The following MTRF1L variants were observed in gnomAD, a reference collection of about 807,000 sequenced individuals.
The protein encoded by MTRF1L is peptide chain release factor 1-like, mitochondrial.
Under a neutral mutation model 40.0 loss-of-function variants are expected in MTRF1L, and 29 were observed. The ratio of observed to expected loss-of-function variants is 0.73; its 90% confidence interval spans 0.54 to 0.99. MTRF1L has a LOEUF of 0.99. Among genes scored for constraint, MTRF1L ranks in the 50% least tolerant of loss-of-function variants. MTRF1L has a pLI of 0.00. For missense variants in MTRF1L, 412 were observed against 464.5 expected (o/e 0.89, Z 1.04); for synonymous variants, 150 against 175.8 (o/e 0.85, Z 1.16).
At position 152,995,129 on chromosome 6, in the gene MTRF1L, T is replaced by C; in HGVS notation, c.523+7A>G. 3 of 1,597,058 alleles carry C rather than the reference T, an allele frequency of 1.9e-6. No homozygotes were observed. Among genetic ancestry groups the C allele is most frequent in the Non-Finnish European group, 2.6e-6 (3 of 1,172,794 alleles). ...TTTACCTGAAACAAAATGAATAGTT[T>C]ACTGACCTAGTTCACTTGGAAAATA... On this transcript the variant is annotated splice_region_variant and intron_variant, in intron 3 of 6. Coordinates refer to ENST00000367233, the MANE Select transcript of MTRF1L (RefSeq NM_019041.7).
rs140807668 is a variant in MTRF1L at position 152,991,819 on chromosome 6, G to T, written c.806-498C>A. ...CTGCCTTGGCCTCCCAAAGTGCTGGGATTACAGGCGTGAGCCACCGCGCCC... is the reference window on the plus strand; with the variant it reads ...CTGCCTTGGCCTCCCAAAGTGCTGGTATTACAGGCGTGAGCCACCGCGCCC... On this transcript the variant is annotated intron_variant, in intron 5 of 6. Coordinates refer to ENST00000367233, the MANE Select transcript of MTRF1L (RefSeq NM_019041.7). Among the ~76,000 whole-genome samples the T allele has an allele frequency of 8.3e-3, 1,266 of 152,294 alleles. 17 individuals carry two copies. Among genetic ancestry groups the T allele is most frequent in the African/African-American group, 0.027 (1,113 of 41,552 alleles).
Position 152,995,267 on chromosome 6 carries a change from A to G in MTRF1L, c.392T>C (p.Leu131Pro). Residue 131 changes from leucine to proline, a missense_variant, in exon 3 of 7, where the codon CTG (leucine) becomes CCG (proline). Transcript: ENST00000367233. ...ACCTCCAACTCCTGCAGTTACTTCCAGGATCAAATCATTTTCATCTGTTTC... is the reference window on the plus strand; with the variant it reads ...ACCTCCAACTCCTGCAGTTACTTCCGGGATCAAATCATTTTCATCTGTTTC... ...SEETDENDLI[L>P]EVTAGVGGQE... 5.0e-6 allele frequency: 8 copies of G among 1,607,560 alleles called. No individual in the cohort carries two copies. The highest frequency in any genetic ancestry group is 5.9e-6 in the Non-Finnish European group (7 of 1,177,320).
Position 152,998,777 on chromosome 6 carries a change from G to A in MTRF1L, c.260-148C>T, listed in dbSNP as rs1031238024. 7.2e-6 allele frequency: 3 copies of A among 417,984 alleles called. No homozygotes were observed. In the Admixed American group the frequency reaches 1.3e-4, roughly 19 times the overall value. 25.9% of individuals were successfully genotyped at this position (417,984 alleles called of 1,614,324 possible). ...TTTCAATAAATACCATTCAATAAAT[G>A]CCTTTCAATAAATGTCCTTTCAATC... On this transcript the variant is annotated intron_variant, in intron 1 of 6. Transcript: ENST00000367233.
rs1285490070 is a variant in MTRF1L at position 153,002,627 on chromosome 6, C to G, written c.59G>C (p.Gly20Ala). Residue 20 changes from glycine (G) to alanine (A), a missense_variant, in exon 1 of 7, where the codon GGC becomes GCC. Physicochemically the swap from Gly to Ala is moderately conservative, Grantham distance 60. Coordinates refer to ENST00000367233, the MANE Select transcript of MTRF1L (RefSeq NM_019041.7). Reference sequence around the variant, plus strand: ...GGAGCTCAGGGGCCGGCGGGCTGGGCCAACGGCCCGGCGGGGCCAGAGCCA... The same window carrying G: ...GGAGCTCAGGGGCCGGCGGGCTGGGGCAACGGCCCGGCGGGGCCAGAGCCA... ...ARWLWPRRAVGPARRPLSSGS... is the reference protein window; with the variant it reads ...ARWLWPRRAVAPARRPLSSGS... 1 of 1,533,196 alleles carries G rather than the reference C, an allele frequency of 6.5e-7. No individual in the cohort carries two copies. The highest frequency in any genetic ancestry group is 1.4e-5 in the African/African-American group (1 of 72,154). 95.0% of individuals were successfully genotyped at this position (1,533,196 alleles called of 1,614,324 possible). A position where few individuals can be genotyped will look rare whatever the true frequency, so the allele number is the denominator to read the frequency against.
At chr6:152,991,770 C>T (rs1392875360) in intron 5 of MTRF1L, among the ~76,000 whole-genome samples, 1 of 152,156 alleles carries the variant, frequency 6.6e-6, no homozygotes, top group East Asian at 1.9e-4. Flanking sequence ...AGGATGGTCT[C>T]GATCTCCTGA....
intron 2 of MTRF1L, among the ~76,000 whole-genome samples, chr6:152,997,244 T>A (rs1778744625): frequency 6.6e-6 from 1 of 152,140 alleles, no homozygotes; most frequent in African/African-American, 2.4e-5. Flanking sequence ...AATTATCTTA[T>A]TCATGCCCTA....
intron 4 of MTRF1L, among the ~76,000 whole-genome samples, chr6:152,993,725 A>G (rs375318257): frequency 3.1e-4 from 47 of 152,354 alleles, no homozygotes; most frequent in African/African-American, 8.9e-4. Context: ...ATGGTTAAAC[A>G]TAAGTGACTA....
At chr6:152,994,719 C>T (rs773172160) in intron 3 of MTRF1L, 43 bp from the exon 4 acceptor site, 1 of 1,607,040 alleles carries the variant, frequency 6.2e-7, no homozygotes, top group East Asian at 2.2e-5. Context: ...TTATTCCTGC[C>T]ATTTATAAAT....
intron 4 of MTRF1L, among the ~76,000 whole-genome samples, chr6:152,993,827 C>G (rs1371467356): frequency 6.6e-6 from 1 of 152,160 alleles, no homozygotes; most frequent in Non-Finnish European, 1.5e-5. Context: ...AAAATTAGAT[C>G]TAAAGAAACT....
rs751187879 is a variant in MTRF1L at position 152,995,328 on chromosome 6, A to G, written c.340-9T>C. On this transcript the variant is annotated splice_polypyrimidine_tract_variant and intron_variant, in intron 2 of 6. Transcript: ENST00000367233. ...ACCAAAAGTAAGATAATCTGTAAAT[A>G]TAAAAATATCACCCCTCCTATAATT... 6.4e-7 allele frequency: 1 copy of G among 1,562,032 alleles called. No individual in the cohort carries two copies. Among genetic ancestry groups the G allele is most frequent in the Admixed American group, 2.0e-5 (1 of 50,586 alleles).
intron 5 of MTRF1L, among the ~76,000 whole-genome samples, chr6:152,992,626 T>C (rs1175279990): frequency 1.3e-5 from 2 of 152,226 alleles, no homozygotes; most frequent in African/African-American, 4.8e-5. Flanking sequence ...ACACCTTCTA[T>C]AAATAGTAAT....
intron 6 of MTRF1L, 131 bp downstream of exon 6, chr6:152,991,054 G>C: frequency 1.8e-6 from 1 of 545,856 alleles, no homozygotes; most frequent in Non-Finnish European, 3.1e-6. Flanking sequence ...AAGAAGGATA[G>C]CCCTTAGACT....
rs538377673 is a variant in MTRF1L at position 153,002,481 on chromosome 6, T to G, written c.205A>C (p.Lys69Gln). The G allele has an allele frequency of 1.2e-6, 2 of 1,613,804 alleles. No individual in the cohort carries two copies. Among genetic ancestry groups the G allele is most frequent in the Admixed American group, 3.3e-5 (2 of 60,010 alleles). Residue 69 changes from lysine (K) to glutamine (Q), a missense_variant, in exon 1 of 7, where the codon AAA becomes CAA. By Grantham distance (53) the Lys-to-Gln change is moderately conservative (BLOSUM62 1). Coordinates refer to ENST00000367233, the MANE Select transcript of MTRF1L (RefSeq NM_019041.7). The stretch of plus-strand genomic sequence containing the variant: ...TCCCGCTCCTTCTCGTTCAGCAGTT[T>G]GATCACCGCCAGCAACTCGGGCCTC... ...VRRPELLAVI[K>Q]LLNEKERELR...
chr6:152,992,218 A>T (rs1778547469), intron 5 of MTRF1L, among the ~76,000 whole-genome samples: 1 of 152,234 alleles, frequency 6.6e-6, no homozygotes, highest in African/African-American at 2.4e-5. Context: ...TTTCCTTTCT[A>T]GATAACTGAG....
chr6:152,998,499 T>G (rs1379944292), intron 2 of MTRF1L, 51 bp downstream of exon 2: 1 of 1,356,950 alleles, frequency 7.4e-7, no homozygotes, highest in Non-Finnish European at 1.0e-6. Context: ...TTAATAAACT[T>G]TAATGCCTAA....
chr6:152,990,301 C>T (rs556347682), intron 6 of MTRF1L: 74 of 740,568 alleles, frequency 1.0e-4, no homozygotes, highest in South Asian at 9.0e-4. Flanking sequence ...TATCTGAATC[C>T]TGCCTCAGCC....
At chr6:152,993,603 G>T (rs1202045382) in intron 4 of MTRF1L, among the ~76,000 whole-genome samples, 2 of 152,070 alleles carry the variant, frequency 1.3e-5, no homozygotes, top group African/African-American at 4.8e-5. Context: ...CCATTCTCTG[G>T]GCCTTCTACC....
In MTRF1L at chr6:152,990,254, T is replaced by C. The variant is rs1352802060; in HGVS notation, c.943-159A>G. On this transcript the variant is annotated intron_variant, in intron 6 of 6. Coordinates refer to ENST00000367233, the MANE Select transcript of MTRF1L (RefSeq NM_019041.7). ...AATCTCAAATGACATGGGAACATGA[T>C]ATAGAAAAAAGAACACGTGCTCTAA... is the stretch of plus-strand genomic sequence containing the variant. The C allele has an allele frequency of 4.7e-6, 5 of 1,070,798 alleles. No individual in the cohort carries two copies. In the East Asian group the frequency reaches 1.1e-4, roughly 23 times the overall value. 66.3% of individuals were successfully genotyped at this position (1,070,798 alleles called of 1,614,324 possible). A position where few individuals can be genotyped will look rare whatever the true frequency, so the allele number is the denominator to read the frequency against.
At chr6:152,992,779 C>T (rs964733914) in intron 5 of MTRF1L, 78 bp downstream of exon 5, 61 of 1,045,914 alleles carry the variant, frequency 5.8e-5, no homozygotes, top group Non-Finnish European at 8.3e-5. Context: ...AACCGAGGAT[C>T]TATTTCAGTG....
Sources: gnomAD v4.1 joint callset for allele counts (sites outside exome capture counted in the v4.1 genomes callset) on GRCh38, gnomAD v4.1.1 for gene constraint, MANE v1.5 for transcripts, NCBI Gene and HGNC (gene_info 2026-07-23, HGNC 2026-07-21) for gene names.